The following SMAD9 variants were observed in gnomAD, a reference collection of about 807,000 sequenced individuals.
The protein encoded by SMAD9 is SMAD family member 9, also known as MAD homolog 9.
In SMAD9, 36 loss-of-function variants were observed where a neutral mutation model predicts 46.1. The observed-to-expected ratio is 0.78, with a 90% CI of 0.60 to 1.03. SMAD9 has a LOEUF of 1.03. SMAD9 is among the 50% of genes least tolerant of loss of function. The probability of loss-of-function intolerance (pLI) is 0.00; values close to 1 mark genes in which losing one functional copy is unlikely to be tolerated. For synonymous variants in SMAD9, 245 were observed against 237.1 expected (o/e 1.03, Z -0.31); for missense variants, 572 against 599.8 (o/e 0.95, Z 0.48).
chr13:36,882,186 T>A (rs1483637130), intron 1 of SMAD9, among the ~76,000 whole-genome samples: 1 of 151,748 alleles, frequency 6.6e-6, no homozygotes, highest in African/African-American at 2.4e-5. Context: ...ATAAGTATAA[T>A]AATAATCATT....
intron 1 of SMAD9, among the ~76,000 whole-genome samples, chr13:36,919,450 A>C (rs544099970): frequency 6.6e-6 from 1 of 152,086 alleles, no homozygotes; most frequent in Non-Finnish European, 1.5e-5. Context: ...CTTCAACAAC[A>C]TTCCTAACTT....
chr13:36,895,554 A>C (rs1232515748), intron 1 of SMAD9, among the ~76,000 whole-genome samples: 1 of 152,248 alleles, frequency 6.6e-6, no homozygotes, highest in African/African-American at 2.4e-5. Flanking sequence ...CCCTCTGTAG[A>C]GAACCACTGA....
chr13:36,868,471 G>A (rs1456326106), intron 3 of SMAD9, among the ~76,000 whole-genome samples: 1 of 152,160 alleles, frequency 6.6e-6, no homozygotes, highest in African/African-American at 2.4e-5. Flanking sequence ...TGAGCACAGT[G>A]GCTCACACCT....
intron 3 of SMAD9, among the ~76,000 whole-genome samples, chr13:36,871,184 A>C (rs1000915045): frequency 6.6e-6 from 1 of 152,132 alleles, no homozygotes; most frequent in African/African-American, 2.4e-5. Context: ...TGAGTCAATA[A>C]AACCTGTGCC....
At chr13:36,896,446 C>G in intron 1 of SMAD9, among the ~76,000 whole-genome samples, 1 of 151,714 alleles carries the variant, frequency 6.6e-6, no homozygotes, top group Non-Finnish European at 1.5e-5. Flanking sequence ...TTTTTATTTA[C>G]TAAACATCCT....
At chr13:36,853,950 G>A (rs1209339234) in intron 5 of SMAD9, among the ~76,000 whole-genome samples, 3 of 152,120 alleles carry the variant, frequency 2.0e-5, no homozygotes, top group Non-Finnish European at 4.4e-5. Flanking sequence ...TTTGAGGTCG[G>A]GAGTTCAAGA....
At position 36,867,395 on chromosome 13, in the gene SMAD9, C is replaced by G; in HGVS notation, c.671-12G>C. ...GGGTGGTGTGTCAACTAAAAGAAAG[C>G]AGTAGAACAAAGGAATTGTCAAATC... On this transcript the variant is annotated splice_polypyrimidine_tract_variant and intron_variant, in intron 3 of 6. Coordinates refer to ENST00000379826, the MANE Select transcript of SMAD9 (RefSeq NM_001127217.3). 1 of 1,505,486 alleles carries G rather than the reference C, an allele frequency of 6.6e-7. No individual in the cohort carries two copies. Among genetic ancestry groups the G allele is most frequent in the Non-Finnish European group, 9.0e-7 (1 of 1,110,688 alleles). The allele number at this position is 1,505,486 out of a possible 1,614,324, so 93.3% of individuals were successfully genotyped here.
At chr13:36,889,080 T>C (rs2058470393) in intron 1 of SMAD9, among the ~76,000 whole-genome samples, 1 of 152,238 alleles carries the variant, frequency 6.6e-6, no homozygotes, top group Admixed American at 6.5e-5. Context: ...GCCCACTGTC[T>C]TTCCAAACAC....
intron 1 of SMAD9, among the ~76,000 whole-genome samples, chr13:36,902,927 G>C (rs1434784068): frequency 1.3e-5 from 2 of 152,112 alleles, no homozygotes; most frequent in African/African-American, 4.8e-5. Context: ...TTTGATGTTT[G>C]CTAAATGAAT....
At chr13:36,892,611 T>C (rs1400674467) in intron 1 of SMAD9, among the ~76,000 whole-genome samples, 1 of 152,218 alleles carries the variant, frequency 6.6e-6, no homozygotes, top group East Asian at 1.9e-4. Context: ...TCCAGTCTTC[T>C]GAGAGTGAAA....
At chr13:36,901,161 G>T (rs1245235673) in intron 1 of SMAD9, among the ~76,000 whole-genome samples, 1 of 152,180 alleles carries the variant, frequency 6.6e-6, no homozygotes, top group African/African-American at 2.4e-5. Context: ...TGTTTGAGTA[G>T]CTGTTTTCAG....
At chr13:36,907,549 C>T (rs1354185327) in intron 1 of SMAD9, among the ~76,000 whole-genome samples, 2 of 152,086 alleles carry the variant, frequency 1.3e-5, no homozygotes, top group African/African-American at 4.8e-5. Flanking sequence ...GTGGCACCCA[C>T]CTGTAATCCC....
chr13:36,883,802 G>A (rs1422118850), intron 1 of SMAD9, among the ~76,000 whole-genome samples: 3 of 152,142 alleles, frequency 2.0e-5, no homozygotes, highest in Non-Finnish European at 4.4e-5. Context: ...GGTGGATTAG[G>A]ATAATTTTCC....
At chr13:36,851,018 C>A (rs1566329887) in intron 6 of SMAD9, among the ~76,000 whole-genome samples, 1 of 152,176 alleles carries the variant, frequency 6.6e-6, no homozygotes, top group African/African-American at 2.4e-5. Flanking sequence ...ATTACTATAG[C>A]CTCCTAAGTG....
chr13:36,848,583 G>T lies in SMAD9; in HGVS notation c.*93C>A. ...GTATACATTCTATGTATTTACACAT[G>T]TTTTTAGAAACTTCAGTTGCAAATC... On this transcript the variant is annotated 3_prime_UTR_variant, in exon 7 of 7. Coordinates refer to ENST00000379826, the MANE Select transcript of SMAD9 (RefSeq NM_001127217.3). 8.3e-7 allele frequency: 1 copy of T among 1,201,536 alleles called. No homozygotes were observed. Among genetic ancestry groups the T allele is most frequent in the Non-Finnish European group, 1.2e-6 (1 of 804,924 alleles). 74.4% of individuals were successfully genotyped at this position (1,201,536 alleles called of 1,614,324 possible). A position where few individuals can be genotyped will look rare whatever the true frequency, so the allele number is the denominator to read the frequency against.
intron 1 of SMAD9, among the ~76,000 whole-genome samples, chr13:36,899,218 G>A (rs1437331333): frequency 6.6e-6 from 1 of 152,090 alleles, no homozygotes; most frequent in Non-Finnish European, 1.5e-5. Flanking sequence ...CCAAAAAAAG[G>A]TGGGGCGGTG....
intron 1 of SMAD9, among the ~76,000 whole-genome samples, chr13:36,881,097 C>A (rs1182697752): frequency 6.6e-6 from 1 of 152,194 alleles, no homozygotes; most frequent in Non-Finnish European, 1.5e-5. Flanking sequence ...GGCCTAAAAT[C>A]AGCTTAATTC....
At chr13:36,898,651 G>A (rs576977552) in intron 1 of SMAD9, among the ~76,000 whole-genome samples, 2 of 151,946 alleles carry the variant, frequency 1.3e-5, no homozygotes, top group South Asian at 4.2e-4. Context: ...CAAAATAAAG[G>A]AGAAATGCCA....
chr13:36,897,828 G>A (rs1373067726), intron 1 of SMAD9, among the ~76,000 whole-genome samples: 4 of 148,992 alleles, frequency 2.7e-5, no homozygotes, highest in Non-Finnish European at 5.9e-5. Flanking sequence ...AACATTCCAA[G>A]GTAACAGAAA....
Sources: gnomAD v4.1 joint callset for allele counts (sites outside exome capture counted in the v4.1 genomes callset) on GRCh38, gnomAD v4.1.1 for gene constraint, MANE v1.5 for transcripts, NCBI Gene and HGNC (gene_info 2026-07-23, HGNC 2026-07-21) for gene names.